Variants in PRKAR1A observed in about 807,000 individuals in gnomAD.
PRKAR1A encodes protein kinase cAMP-dependent type I regulatory subunit alpha.
PRKAR1A carries 3 observed loss-of-function variants against 52.0 expected under a neutral mutation model. That is an observed-to-expected ratio of 0.06 (90% CI 0.03 to 0.15). The LOEUF is 0.15. Ranked by LOEUF, PRKAR1A falls within the 10% of genes least tolerant of loss-of-function variation. The pLI is 1.00. For synonymous variants in PRKAR1A, 188 were observed against 168.4 expected, an observed-to-expected ratio of 1.12 and a Z score of -0.90; for missense variants, 240 against 477.4, an observed-to-expected ratio of 0.50 and a Z score of 4.63.
chr17:68,526,015 A>G (rs2085778539), intron 7 of PRKAR1A, 103 bp downstream of exon 7: 4 of 1,395,722 alleles, frequency 2.9e-6, no homozygotes, highest in Non-Finnish European at 3.9e-6. Context: ...TTTAATGAGC[A>G]AATATTTCTT....
the PRKAR1A span, chr17:68,426,254 G>GGGGGGGGGGGGGA: frequency 1.2e-6 from 1 of 816,924 alleles, no homozygotes; most frequent in Non-Finnish European, 1.9e-6. Context: ...GGGAGCGGGG[G>GGGGGGGGGGGGGA]CTCAAATAAA....
At chr17:68,535,665 A>C (rs909099089), downstream of PRKAR1A, 10 of 448,622 alleles carry the variant, frequency 2.2e-5, no homozygotes, top group African/African-American at 2.0e-4. Context: ...TGATTTAAAA[A>C]AAAATTTTTT....
the PRKAR1A span, among the ~76,000 whole-genome samples, chr17:68,504,622 G>T: frequency 6.6e-6 from 1 of 152,158 alleles, no homozygotes; most frequent in Non-Finnish European, 1.5e-5. Context: ...CTTATTTGTG[G>T]GAGCTAAAAA....
the PRKAR1A span, among the ~76,000 whole-genome samples, chr17:68,454,688 A>T: frequency 6.6e-6 from 1 of 152,218 alleles, no homozygotes; most frequent in African/African-American, 2.4e-5. Context: ...ATTGTTTTTA[A>T]ACTTTCTTCA....
At chr17:68,428,764 G>A in the PRKAR1A span, 2 of 1,282,778 alleles carry the variant, frequency 1.6e-6, no homozygotes, top group African/African-American at 2.9e-5. Context: ...TGTCGTTCTT[G>A]GCGAAGGGAC....
At chr17:68,453,075 T>TGAGGCTAGGGGGCAAA in the PRKAR1A span, 4 of 1,117,450 alleles carry the variant, frequency 3.6e-6, no homozygotes, top group Non-Finnish European at 5.4e-6. Context: ...TTTTGCCCCC[T>TGAGGCTAGGGGGCAAA]AGCCTCAGGG....
chr17:68,430,534 G>A, the PRKAR1A span, among the ~76,000 whole-genome samples: 7 of 152,238 alleles, frequency 4.6e-5, 1 homozygote, highest in East Asian at 7.7e-4. Context: ...GGACTGTGCC[G>A]GGCTCATGGA....
the PRKAR1A span, among the ~76,000 whole-genome samples, chr17:68,417,973 G>A: frequency 0.017 from 2,559 of 151,604 alleles, 79 homozygotes; most frequent in African/African-American, 0.059. Context: ...CTCATGATCC[G>A]CCTGCCTCAA....
the PRKAR1A span, among the ~76,000 whole-genome samples, chr17:68,433,885 C>A: frequency 6.8e-6 from 1 of 146,394 alleles, no homozygotes; most frequent in Non-Finnish European, 1.5e-5. Flanking sequence ...TGGGTTCAAG[C>A]GATTCTCCTG....
At chr17:68,539,702 G>T (rs2086205197) in intron 11 of PRKAR1A, among the ~76,000 whole-genome samples, 1 of 152,250 alleles carries the variant, frequency 6.6e-6, no homozygotes, top group Non-Finnish European at 1.5e-5. Flanking sequence ...GCTGGAGGAG[G>T]ATCAAGTGGT....
chr17:68,418,857 A>G, the PRKAR1A span, among the ~76,000 whole-genome samples: 1 of 152,178 alleles, frequency 6.6e-6, no homozygotes, highest in East Asian at 1.9e-4. Context: ...ATAAGTTTCT[A>G]TCTCATTAAT....
chr17:68,417,733 ATTTTTTTTTTTTTTTT>A, the PRKAR1A span, among the ~76,000 whole-genome samples: 104 of 60,844 alleles, frequency 1.7e-3, no homozygotes, highest in African/African-American at 6.0e-3. Context: ...GAGTTGCTGA[ATTTTTTTTTTTTTTTT>A]TTTTTTTTTT....
chr17:68,517,725 C>T (rs1294912141), intron 2 of PRKAR1A, among the ~76,000 whole-genome samples: 1 of 152,186 alleles, frequency 6.6e-6, no homozygotes, highest in East Asian at 1.9e-4. Context: ...CTGGCCCCTC[C>T]CAGATCTCAT....
chr17:68,528,734 G>A (rs566002296), intron 8 of PRKAR1A, 136 bp from the exon 9 acceptor site: 11 of 1,164,652 alleles, frequency 9.4e-6, no homozygotes, highest in Non-Finnish European at 1.4e-5. Flanking sequence ...TTGAAGACAG[G>A]TACCACTTTT....
intron 11 of PRKAR1A, chr17:68,539,842 C>T (rs1305928827): frequency 3.1e-6 from 5 of 1,589,744 alleles, no homozygotes; most frequent in Non-Finnish European, 3.5e-6. Context: ...CAGAGCAGCA[C>T]ATCTGGGAGA....
chr17:68,480,089 G>T, the PRKAR1A span, among the ~76,000 whole-genome samples: 1 of 152,156 alleles, frequency 6.6e-6, no homozygotes, highest in Non-Finnish European at 1.5e-5. Context: ...TGAGGACACA[G>T]CCAAAGCTTA....
chr17:68,505,855 A>G, the PRKAR1A span, among the ~76,000 whole-genome samples: 1 of 152,218 alleles, frequency 6.6e-6, no homozygotes, highest in Non-Finnish European at 1.5e-5. Flanking sequence ...CTCTTCAAGT[A>G]TAACAAATGT....
chr17:68,476,049 T>G, the PRKAR1A span, among the ~76,000 whole-genome samples: 2 of 152,112 alleles, frequency 1.3e-5, no homozygotes, highest in Non-Finnish European at 2.9e-5. Flanking sequence ...CCTGGTCAAT[T>G]TTGGCAATTG....
At chr17:68,496,661 C>T in the PRKAR1A span, among the ~76,000 whole-genome samples, 2 of 152,058 alleles carry the variant, frequency 1.3e-5, no homozygotes, top group Non-Finnish European at 2.9e-5. Context: ...AGGCTGTGAA[C>T]TATGTATCAC....
Sources: gnomAD v4.1 joint callset for allele counts (sites outside exome capture counted in the v4.1 genomes callset) on GRCh38, gnomAD v4.1.1 for gene constraint, MANE v1.5 for transcripts, NCBI Gene and HGNC (gene_info 2026-07-23, HGNC 2026-07-21) for gene names.